Variants in SRGAP3 observed in about 807,000 individuals in gnomAD.
SRGAP3 encodes SLIT-ROBO Rho GTPase activating protein 3, also known as SLIT-ROBO Rho GTPase-activating protein 3.
SRGAP3 carries 39 observed loss-of-function variants against 121.1 expected under a neutral mutation model. The ratio of observed to expected loss-of-function variants is 0.32; its 90% confidence interval spans 0.25 to 0.42. SRGAP3 has a LOEUF of 0.42. Ranked by LOEUF, SRGAP3 falls within the 10% of genes least tolerant of loss-of-function variation. The pLI is 1.00. For synonymous variants in SRGAP3, 601 were observed against 570.0 expected, an observed-to-expected ratio of 1.05 and a Z score of -0.77; for missense variants, 1,213 against 1,470.6, an observed-to-expected ratio of 0.82 and a Z score of 2.86.
chr3:8,988,112 C>T (rs1941829039), intron 21 of SRGAP3, among the ~76,000 whole-genome samples: 1 of 152,024 alleles, frequency 6.6e-6, no homozygotes, highest in Non-Finnish European at 1.5e-5. Flanking sequence ...TTGCATTAGT[C>T]CGAGAGGTGG....
chr3:9,060,923 T>A (rs896994472), intron 5 of SRGAP3, among the ~76,000 whole-genome samples: 9 of 152,160 alleles, frequency 5.9e-5, no homozygotes, highest in Admixed American at 4.6e-4. Flanking sequence ...CCTCTGACGG[T>A]CCTTGCTAGG....
At chr3:9,008,132 A>G (rs977059838) in intron 18 of SRGAP3, 3 of 152,284 alleles carry the variant, frequency 2.0e-5, no homozygotes, top group Non-Finnish European at 4.4e-5. Flanking sequence ...AGGGGGACCC[A>G]AAGCTCTGAC....
At chr3:9,250,826 CA>C (rs1488982433), upstream of SRGAP3, among the ~76,000 whole-genome samples, 1 of 152,150 alleles carries the variant, frequency 6.6e-6, no homozygotes, top group African/African-American at 2.4e-5. Context: ...CAAGGGAGAC[CA>C]AACCCATTTC....
At chr3:9,096,425 G>C (rs1947968661) in intron 3 of SRGAP3, among the ~76,000 whole-genome samples, 2 of 152,172 alleles carry the variant, frequency 1.3e-5, no homozygotes, top group Non-Finnish European at 2.9e-5. Flanking sequence ...GCACACAGAA[G>C]CATTATTAAC....
chr3:9,214,114 TCC>T (rs1405648223), intron 1 of SRGAP3, among the ~76,000 whole-genome samples: 1 of 134,130 alleles, frequency 7.5e-6, no homozygotes, highest in African/African-American at 2.6e-5. Context: ...CCTACCCACC[TCC>T]AACACACACA....
chr3:9,294,825 A>C (rs966036126), intron 3 of SRGAP3, among the ~76,000 whole-genome samples: 6 of 151,336 alleles, frequency 4.0e-5, no homozygotes, highest in Admixed American at 1.3e-4. Context: ...TAATCTCTTT[A>C]TTTGATGACC....
In SRGAP3 at chr3:9,185,607, T is replaced by C. The variant is rs1471268812; in HGVS notation, c.68-60690A>G. ...AGTGCAGTGGCAAGATTATAGCACA[T>C]GGCAGCCTCAATCTCCCAGACTCAA... On this transcript the variant is annotated intron_variant, in intron 1 of 21. Transcript: ENST00000383836. Among the ~76,000 whole-genome samples, 7 of 151,484 alleles carry C rather than the reference T, an allele frequency of 4.6e-5. No individual in the cohort carries two copies. In the South Asian group the frequency reaches 1.1e-3, roughly 23 times the overall value.
chr3:9,348,410 C>T, intron 1 of SRGAP3: 1 of 585,450 alleles, frequency 1.7e-6, no homozygotes, highest in Middle Eastern at 4.9e-4. Flanking sequence ...AATCCGCGAA[C>T]CCCAGTCAGC....
chr3:9,041,636 T>G (rs1433764148), intron 10 of SRGAP3, among the ~76,000 whole-genome samples: 2 of 152,216 alleles, frequency 1.3e-5, no homozygotes, highest in African/African-American at 4.8e-5. Flanking sequence ...CATCCCTAGA[T>G]CTCACTCACC....
chr3:9,050,109 G>A (rs574729653), intron 9 of SRGAP3, among the ~76,000 whole-genome samples: 1 of 152,178 alleles, frequency 6.6e-6, no homozygotes, highest in Non-Finnish European at 1.5e-5. Flanking sequence ...AAAGTGTTGG[G>A]ATTACAGGCA....
intron 3 of SRGAP3, among the ~76,000 whole-genome samples, chr3:9,323,896 T>C (rs1192369231): frequency 6.6e-6 from 1 of 151,624 alleles, no homozygotes; most frequent in African/African-American, 2.4e-5. Flanking sequence ...TCAGCGGAAT[T>C]AAATTTAAAA....
rs566687137 is a variant in SRGAP3 at position 9,288,999 on chromosome 3, C to T, written n.442+37011G>A. 6.6e-5 allele frequency among the ~76,000 whole-genome samples: 10 copies of T among 151,896 alleles called. No individual in the cohort carries two copies. The South Asian group carries it at 1.0e-3, about 16-fold the overall frequency. ...GCAACCTCCACCTCCTGGATTCAAG[C>T]GATTCTCCTGCCTCAGCCTCCCAAG... On this transcript the variant is annotated intron_variant and non_coding_transcript_variant, in intron 3 of 3. Coordinates refer to the SRGAP3 transcript ENST00000490889.
intron 3 of SRGAP3, among the ~76,000 whole-genome samples, chr3:9,294,080 G>A (rs763224482): frequency 2.0e-5 from 3 of 152,162 alleles, no homozygotes; most frequent in East Asian, 1.9e-4. Context: ...TGGAATCAAC[G>A]TAAATGCCCA....
intron 1 of SRGAP3, among the ~76,000 whole-genome samples, chr3:9,165,795 C>T (rs903910302): frequency 6.6e-6 from 1 of 152,168 alleles, no homozygotes; most frequent in African/African-American, 2.4e-5. Context: ...CTGGCTAACA[C>T]CCATTCAGCT....
At chr3:9,070,109 C>G (rs1301605582) in intron 4 of SRGAP3, among the ~76,000 whole-genome samples, 1 of 152,248 alleles carries the variant, frequency 6.6e-6, no homozygotes, top group Non-Finnish European at 1.5e-5. Flanking sequence ...TGCCTTTTGC[C>G]TCTTCCCTGA....
intron 14 of SRGAP3, 113 bp from the exon 15 acceptor site, chr3:9,015,844 GAA>G: frequency 7.4e-7 from 1 of 1,342,964 alleles, no homozygotes; most frequent in Non-Finnish European, 1.1e-6. Flanking sequence ...AGGCAGATGG[GAA>G]AAGTCTCCCC....
chr3:9,082,685 T>C (rs145886289), intron 3 of SRGAP3, among the ~76,000 whole-genome samples: 2 of 152,330 alleles, frequency 1.3e-5, no homozygotes, highest in Non-Finnish European at 1.5e-5. Context: ...TTCCTCCCAG[T>C]TCCTTCAGCC....
intron 1 of SRGAP3, among the ~76,000 whole-genome samples, chr3:9,203,188 C>G (rs1423869152): frequency 6.6e-6 from 1 of 152,148 alleles, no homozygotes; most frequent in Non-Finnish European, 1.5e-5. Flanking sequence ...GCACCATATC[C>G]CATGCCCCCA....
intron 1 of SRGAP3, among the ~76,000 whole-genome samples, chr3:9,336,123 G>A (rs115764140): frequency 1.1e-3 from 162 of 151,432 alleles, no homozygotes; most frequent in African/African-American, 3.7e-3. Flanking sequence ...CCAGTATTTT[G>A]GTCATCCCCA....
Sources: allele counts gnomAD v4.1 joint callset (sites outside exome capture counted in the v4.1 genomes callset), GRCh38; gene constraint gnomAD v4.1.1; transcripts MANE v1.5; gene names NCBI Gene and HGNC (gene_info 2026-07-23, HGNC 2026-07-21).